Variants in TARS3 observed in about 807,000 individuals in gnomAD.
TARS3 encodes threonyl-tRNA synthetase 3.
TARS3 carries 94 observed loss-of-function variants against 103.5 expected under a neutral mutation model. That is an observed-to-expected ratio of 0.91 (90% CI 0.77 to 1.08). The LOEUF is 1.08. Ranked by LOEUF, TARS3 falls within the 50% of genes least tolerant of loss-of-function variation. The pLI is 0.00. For missense variants in TARS3, 952 were observed against 995.2 expected (o/e 0.96, Z 0.58); for synonymous variants, 416 against 355.4 (o/e 1.17, Z -1.92).
At chr15:101,680,324 G>T (rs555343751) in intron 12 of TARS3, among the ~76,000 whole-genome samples, 1 of 152,190 alleles carries the variant, frequency 6.6e-6, no homozygotes, top group African/African-American at 2.4e-5. Context: ...TTTCTAGGCT[G>T]CCCCTTTCCT....
intron 15 of TARS3, among the ~76,000 whole-genome samples, chr15:101,668,898 TTGATAA>T (rs1250161071): frequency 1.3e-5 from 2 of 152,248 alleles, no homozygotes; most frequent in East Asian, 3.8e-4. Flanking sequence ...TACATCATAC[TTGATAA>T]TGATAATAAA....
rs146549855 is a variant in TARS3, at chr15:101,713,904, G to C, written c.690+936C>G. 3.7e-3 allele frequency among the ~76,000 whole-genome samples: 560 copies of C among 152,222 alleles called. 1 individual carries two copies. The highest frequency in any genetic ancestry group is 0.013 in the African/African-American group (544 of 41,526). ...AATATGGTTTTATTAATAGTGTACT[G>C]TTTACATATTTAATGGTTATACTTT... On this transcript the variant is annotated intron_variant, in intron 4 of 18. Coordinates refer to ENST00000335968, the MANE Select transcript of TARS3 (RefSeq NM_152334.3).
Position 101,724,414 on chromosome 15 carries a change from G to C in TARS3, c.-27C>G, listed in dbSNP as rs977592597. 3 of 1,381,480 alleles carry C rather than the reference G, an allele frequency of 2.2e-6. No individual in the cohort carries two copies. The highest frequency in any genetic ancestry group is 1.9e-6 in the Non-Finnish European group (2 of 1,074,698). 85.6% of individuals were successfully genotyped at this position (1,381,480 alleles called of 1,614,324 possible). Reference sequence around the variant, plus strand: ...GCGGCCTCCCTCAGGCACCGACGCCGAGCGGGGTGCCCGCGACTGCGGCGA... The same window carrying C: ...GCGGCCTCCCTCAGGCACCGACGCCCAGCGGGGTGCCCGCGACTGCGGCGA... On this transcript the variant is annotated 5_prime_UTR_variant, in exon 1 of 19. Transcript: ENST00000335968.
At chr15:101,721,657 A>C (rs1483789914) in intron 2 of TARS3, among the ~76,000 whole-genome samples, 2 of 151,966 alleles carry the variant, frequency 1.3e-5, no homozygotes, top group Non-Finnish European at 2.9e-5. Context: ...ACCCTGCCAG[A>C]CTAATTTTTG....
intron 15 of TARS3, among the ~76,000 whole-genome samples, chr15:101,671,121 A>C (rs923529893): frequency 6.6e-6 from 1 of 152,314 alleles, no homozygotes; most frequent in Admixed American, 6.5e-5. Context: ...GTTGGTTTAC[A>C]GTGATAAAAT....
At chr15:101,673,113 G>A (rs969041080) in intron 13 of TARS3, among the ~76,000 whole-genome samples, 4 of 152,192 alleles carry the variant, frequency 2.6e-5, no homozygotes, top group Admixed American at 6.5e-5. Flanking sequence ...ATATTTCAAT[G>A]CTCACCTCAG....
intron 12 of TARS3, among the ~76,000 whole-genome samples, chr15:101,683,818 C>T (rs1259609335): frequency 6.6e-6 from 1 of 152,060 alleles, no homozygotes; most frequent in Non-Finnish European, 1.5e-5. Context: ...ACAAAACATC[C>T]AGAATTCCAC....
At chr15:101,683,353 A>C (rs1448360733) in intron 12 of TARS3, among the ~76,000 whole-genome samples, 1 of 152,108 alleles carries the variant, frequency 6.6e-6, no homozygotes, top group African/African-American at 2.4e-5. Flanking sequence ...ATCTATTTTT[A>C]ATTCTATTGT....
At chr15:101,697,701 G>A (rs931510309) in intron 10 of TARS3, among the ~76,000 whole-genome samples, 8 of 152,142 alleles carry the variant, frequency 5.3e-5, no homozygotes, top group Non-Finnish European at 1.2e-4. Context: ...GGGCGGGGCT[G>A]TAAGACACTG....
intron 7 of TARS3, 129 bp downstream of exon 7, chr15:101,705,554 T>C: frequency 1.4e-6 from 1 of 727,600 alleles, no homozygotes; most frequent in Non-Finnish European, 2.4e-6. Context: ...TTTTGAAGAT[T>C]GTAACTACGG....
rs965838605 is a variant in TARS3 at position 101,656,973 on chromosome 15, G to A, written c.2209C>T (p.Leu737=). 4 of 1,613,444 alleles carry A rather than the reference G, an allele frequency of 2.5e-6. No homozygotes were observed. The highest frequency in any genetic ancestry group is 3.4e-6 in the Non-Finnish European group (4 of 1,179,588). Residue 737 remains leucine, a synonymous_variant, in exon 18 of 19, where the codon CTA becomes TTA. Transcript: ENST00000335968. ...ADVDLDHSCT[L]NKKIRNAQLA... ...TGTGCATTTCGTATTTTCTTATTTAGTGTACAACTGTGATCCAAGTCAACG... is the reference window on the plus strand; with the variant it reads ...TGTGCATTTCGTATTTTCTTATTTAATGTACAACTGTGATCCAAGTCAACG...
intron 11 of TARS3, among the ~76,000 whole-genome samples, chr15:101,684,476 C>T (rs1898384878): frequency 6.6e-6 from 1 of 152,170 alleles, no homozygotes; most frequent in Non-Finnish European, 1.5e-5. Context: ...GTTCCCTCCC[C>T]TTATCCACAC....
intron 3 of TARS3, among the ~76,000 whole-genome samples, chr15:101,717,821 C>T (rs1208827645): frequency 1.3e-5 from 2 of 152,174 alleles, no homozygotes; most frequent in African/African-American, 4.8e-5. Flanking sequence ...CATATTCAAG[C>T]GACTTGAGTT....
chr15:101,696,737 CCA>C, intron 10 of TARS3, among the ~76,000 whole-genome samples: 1 of 152,166 alleles, frequency 6.6e-6, no homozygotes, highest in East Asian at 1.9e-4. Flanking sequence ...CTAATTATAC[CCA>C]CTCTGTCACT....
At chr15:101,695,779 C>T (rs1359306112) in intron 10 of TARS3, 2 of 152,318 alleles carry the variant, frequency 1.3e-5, no homozygotes, top group African/African-American at 2.4e-5. Context: ...GTGGTGCATG[C>T]CTATAATCCC....
chr15:101,715,148 TG>T, intron 3 of TARS3, among the ~76,000 whole-genome samples, 185 bp from the exon 4 acceptor site: 1 of 150,312 alleles, frequency 6.7e-6, no homozygotes, highest in Middle Eastern at 3.5e-3. Flanking sequence ...ATACATTCAC[TG>T]TTTTTTTTTT....
chr15:101,662,862 G>C (rs989612699), intron 15 of TARS3, among the ~76,000 whole-genome samples: 1 of 152,184 alleles, frequency 6.6e-6, no homozygotes, highest in Non-Finnish European at 1.5e-5. Flanking sequence ...AGAGCAAATA[G>C]TGACATAAAC....
intron 10 of TARS3, among the ~76,000 whole-genome samples, chr15:101,686,557 T>C (rs1898484404): frequency 6.6e-6 from 1 of 152,168 alleles, no homozygotes; most frequent in Admixed American, 6.5e-5. Context: ...CCTCCCTACC[T>C]ATTAACAGCT....
chr15:101,691,628 A>G (rs1898728643), intron 10 of TARS3, among the ~76,000 whole-genome samples: 1 of 152,318 alleles, frequency 6.6e-6, no homozygotes, highest in East Asian at 1.9e-4. Flanking sequence ...GAGATTCACA[A>G]CATGATGTTA....
Sources: allele counts gnomAD v4.1 joint callset (sites outside exome capture counted in the v4.1 genomes callset), GRCh38; gene constraint gnomAD v4.1.1; transcripts MANE v1.5; gene names NCBI Gene and HGNC (gene_info 2026-07-23, HGNC 2026-07-21).